Variants in SCN1A observed in about 807,000 individuals in gnomAD.
SCN1A encodes the protein sodium channel protein type 1 subunit alpha.
SCN1A carries 13 observed loss-of-function variants against 193.7 expected under a neutral mutation model. The observed-to-expected ratio is 0.07, with a 90% CI of 0.04 to 0.11. The LOEUF is 0.11. Among genes scored for constraint, SCN1A ranks in the 10% least tolerant of loss-of-function variants. SCN1A has a pLI of 1.00. For synonymous variants in SCN1A, 781 were observed against 843.6 expected (o/e 0.93, Z 1.29); for missense variants, 1,432 against 2,451.1 (o/e 0.58, Z 8.78).
At position 166,084,218 on chromosome 2, in the gene SCN1A, C is replaced by CT. The variant is rs57907653; in HGVS notation, c.-141-6418dup. Among the ~76,000 whole-genome samples the CT allele has an allele frequency of 5.1e-3, 648 of 127,292 alleles. 2 individuals are homozygous for CT. Among genetic ancestry groups the CT allele is most frequent in the East Asian group, 0.014 (65 of 4,552 alleles). The allele number at this position is 127,292 out of a possible 152,430, so 83.5% of individuals were successfully genotyped here. A position where few individuals can be genotyped will look rare whatever the true frequency, so the allele number is the denominator to read the frequency against. ...CCAGCTCTCCTTTATTCTCAATTTT[C>CT]TTTTTTTTTTTTTTTTTGCTCAGCC... On this transcript the variant is annotated intron_variant, in intron 2 of 28. Coordinates refer to ENST00000674923, the MANE Select transcript of SCN1A (RefSeq NM_001165963.4).
At chr2:166,119,706 T>G (rs1260907868) in intron 2 of SCN1A, among the ~76,000 whole-genome samples, 2 of 152,162 alleles carry the variant, frequency 1.3e-5, no homozygotes, top group African/African-American at 4.8e-5. Context: ...GTTACAAAAT[T>G]TTCAAAATAC....
At chr2:166,019,334 A>G (rs1448086660) in intron 19 of SCN1A, among the ~76,000 whole-genome samples, 1 of 152,168 alleles carries the variant, frequency 6.6e-6, no homozygotes, top group Non-Finnish European at 1.5e-5. Context: ...ATTTTAAAAC[A>G]TTTTTTAAGC....
chr2:166,061,036 A>G (rs1683253793), intron 4 of SCN1A, among the ~76,000 whole-genome samples: 1 of 152,162 alleles, frequency 6.6e-6, no homozygotes, highest in Non-Finnish European at 1.5e-5. Context: ...AGAAATGACA[A>G]TCCATAGATG....
At chr2:165,997,033 G>A (rs1051904010) in intron 26 of SCN1A, among the ~76,000 whole-genome samples, 1 of 151,278 alleles carries the variant, frequency 6.6e-6, no homozygotes, top group African/African-American at 2.4e-5. Context: ...GTGAGGGAAC[G>A]GTGGCATGGG....
At chr2:166,013,171 A>C (rs1176471390) in intron 21 of SCN1A, among the ~76,000 whole-genome samples, 1 of 151,424 alleles carries the variant, frequency 6.6e-6, no homozygotes, top group East Asian at 1.9e-4. Context: ...ATTGATTCTG[A>C]TGAAGTGAAC....
intron 19 of SCN1A, chr2:166,016,405 C>T (rs896048678): frequency 6.6e-6 from 1 of 151,968 alleles, no homozygotes; most frequent in Non-Finnish European, 1.5e-5. Flanking sequence ...ATTCAGTTTC[C>T]TCTGACAAAT....
At chr2:166,117,909 G>A (rs370733829) in intron 2 of SCN1A, among the ~76,000 whole-genome samples, 6 of 151,690 alleles carry the variant, frequency 4.0e-5, no homozygotes, top group African/African-American at 1.5e-4. Flanking sequence ...ATTGCAGTGA[G>A]CCGAGATCCT....
At chr2:166,126,543 A>T (rs1478526653) in intron 2 of SCN1A, 1 of 152,160 alleles carries the variant, frequency 6.6e-6, no homozygotes, top group Non-Finnish European at 1.5e-5. Flanking sequence ...TCAGCATGGA[A>T]TTTTCCTATT....
intron 2 of SCN1A, among the ~76,000 whole-genome samples, chr2:166,078,785 G>C (rs1046960364): frequency 6.6e-6 from 1 of 151,680 alleles, no homozygotes; most frequent in East Asian, 1.9e-4. Context: ...AAATCTATTT[G>C]AGACTTCATG....
intron 4 of SCN1A, among the ~76,000 whole-genome samples, chr2:166,072,379 A>G (rs1445987102): frequency 1.3e-5 from 2 of 152,208 alleles, no homozygotes; most frequent in East Asian, 1.9e-4. Flanking sequence ...GATGCTTAAC[A>G]TAAGATTCAT....
intron 24 of SCN1A, among the ~76,000 whole-genome samples, chr2:166,001,879 CTTTTTTTTTTTT>C (rs71393699): frequency 6.5e-5 from 3 of 46,372 alleles, no homozygotes; most frequent in African/African-American, 9.1e-5. Context: ...AATTCTCTCT[CTTTTTTTTTTTT>C]TTTTTTTTTT....
At chr2:166,143,313 C>G (rs1692173375) in intron 1 of SCN1A, among the ~76,000 whole-genome samples, 1 of 151,814 alleles carries the variant, frequency 6.6e-6, no homozygotes, top group Non-Finnish European at 1.5e-5. Flanking sequence ...ACTACAGGCG[C>G]CTGCCACCAC....
chr2:166,041,339 A>T lies in SCN1A; in HGVS notation c.2307T>A (p.Phe769Leu), dbSNP rs1697145075. Residue 769 changes from phenylalanine (F) to leucine (L), a missense_variant, in exon 16 of 29, where the codon TTT becomes TTA. Physicochemically the swap from Phe to Leu is conservative, Grantham distance 22. Around this residue, in one of 18 missense-constraint regions of SCN1A, gnomAD observed 316 missense variants for 362.1 expected, o/e 0.87. Coordinates refer to ENST00000674923, the MANE Select transcript of SCN1A (RefSeq NM_001165963.4). ...HVVNLVVMDP[F>L]VDLAITICIV... ...TACAGATGGTGATGGCCAGGTCAAC[A>T]AATGGGTCCATCACAACCAGGTTGA... The T allele has an allele frequency of 1.2e-6, 2 of 1,613,784 alleles. No homozygotes were observed. Among genetic ancestry groups the T allele is most frequent in the East Asian group, 4.5e-5 (2 of 44,864 alleles).
chr2:166,037,695 A>C, intron 18 of SCN1A, 81 bp downstream of exon 18: 3 of 1,233,972 alleles, frequency 2.4e-6, no homozygotes, highest in Admixed American at 3.4e-5. Context: ...GTACATGTGC[A>C]CAATGTGCAG....
At chr2:166,138,357 C>T (rs1486479267) in intron 1 of SCN1A, among the ~76,000 whole-genome samples, 2 of 152,212 alleles carry the variant, frequency 1.3e-5, no homozygotes, top group African/African-American at 4.8e-5. Context: ...AGCCTGGAGG[C>T]CTAGGATGAA....
In SCN1A at chr2:166,073,352, A is replaced by G; in HGVS notation, c.264+6T>C. The G allele has an allele frequency of 6.2e-7, 1 of 1,613,344 alleles. No homozygotes were observed. Among genetic ancestry groups the G allele is most frequent in the Non-Finnish European group, 8.5e-7 (1 of 1,179,994 alleles). On this transcript the variant is annotated splice_donor_region_variant and intron_variant, in intron 4 of 28. Coordinates refer to ENST00000674923, the MANE Select transcript of SCN1A (RefSeq NM_001165963.4). ...CAGCAAAATATGCCTGATAAAAAAC[A>G]CTCACTTTCTTATTGATATAGTAGG...
At chr2:166,038,719 T>G (rs903843385) in intron 17 of SCN1A, among the ~76,000 whole-genome samples, 1 of 152,180 alleles carries the variant, frequency 6.6e-6, no homozygotes, top group Non-Finnish European at 1.5e-5. Flanking sequence ...GGCCGGATAT[T>G]ATAATATTAA....
chr2:166,077,398 C>G (rs1685090239), intron 3 of SCN1A, among the ~76,000 whole-genome samples: 1 of 151,682 alleles, frequency 6.6e-6, no homozygotes, highest in Admixed American at 6.6e-5. Flanking sequence ...AAAAATGGGC[C>G]AAAGACCTGA....
At chr2:166,114,080 CAT>C (rs1429306567) in intron 2 of SCN1A, among the ~76,000 whole-genome samples, 1 of 151,928 alleles carries the variant, frequency 6.6e-6, no homozygotes, top group Non-Finnish European at 1.5e-5. Flanking sequence ...TTCCAGCTAT[CAT>C]ATTATTTAGT....
Sources: allele counts gnomAD v4.1 joint callset (sites outside exome capture counted in the v4.1 genomes callset), GRCh38; gene constraint gnomAD v4.1.1; regional missense constraint gnomAD v4.1.1; transcripts MANE v1.5; gene names NCBI Gene and HGNC (gene_info 2026-07-23, HGNC 2026-07-21).